The following NCKAP1 variants were observed in gnomAD, a reference collection of about 807,000 sequenced individuals.
The protein encoded by NCKAP1 is nck-associated protein 1.
A neutral mutation model predicts 151.2 loss-of-function variants in NCKAP1; 21 were observed. That is an observed-to-expected ratio of 0.14 (90% CI 0.10 to 0.20). The LOEUF (loss-of-function observed/expected upper bound fraction) is 0.20, where lower values mean the gene tolerates loss of function less well. NCKAP1 is among the 10% of genes least tolerant of loss of function. The probability of loss-of-function intolerance (pLI) is 1.00; values close to 1 mark genes in which losing one functional copy is unlikely to be tolerated. For synonymous variants in NCKAP1, 484 were observed against 451.8 expected, an observed-to-expected ratio of 1.07 and a Z score of -0.90; for missense variants, 933 against 1,352.1, an observed-to-expected ratio of 0.69 and a Z score of 4.86.
At chr2:182,965,794 A>G (rs1156702637) in intron 16 of NCKAP1, among the ~76,000 whole-genome samples, 2 of 152,206 alleles carry the variant, frequency 1.3e-5, no homozygotes, top group Non-Finnish European at 2.9e-5. Flanking sequence ...ATAGCTGAAA[A>G]TATCTAAACA....
chr2:183,020,219 T>G (rs1031506187), intron 2 of NCKAP1, among the ~76,000 whole-genome samples: 9 of 152,026 alleles, frequency 5.9e-5, no homozygotes, highest in African/African-American at 2.2e-4. Context: ...TCCCAGCACT[T>G]TGGGAGGCCA....
chr2:182,989,000 A>G (rs371369435), intron 9 of NCKAP1, 30 bp downstream of exon 9: 39 of 1,593,584 alleles, frequency 2.4e-5, no homozygotes, highest in Non-Finnish European at 3.1e-5. Context: ...CCCTTCTCCA[A>G]AAAAGACAAA....
intron 6 of NCKAP1, among the ~76,000 whole-genome samples, chr2:182,996,747 C>T (rs775210197): frequency 2.6e-5 from 4 of 152,140 alleles, no homozygotes; most frequent in Non-Finnish European, 5.9e-5. Context: ...TGAGCCACCA[C>T]GCCTGGCTGT....
intron 8 of NCKAP1, 100 bp downstream of exon 8, chr2:182,994,739 G>A (rs1405734858): frequency 1.1e-6 from 1 of 935,832 alleles, no homozygotes; most frequent in East Asian, 2.4e-5. Flanking sequence ...AGATGGGTTA[G>A]CACAATGCTA....
intron 24 of NCKAP1, among the ~76,000 whole-genome samples, chr2:182,937,242 ATACCC>A (rs1429857314): frequency 6.6e-6 from 1 of 151,980 alleles, no homozygotes; most frequent in African/African-American, 2.4e-5. Context: ...CTCAAAGACT[ATACCC>A]TACAACCTCA....
At chr2:182,934,025 A>G (rs1286012051) in intron 26 of NCKAP1, among the ~76,000 whole-genome samples, 9 of 152,150 alleles carry the variant, frequency 5.9e-5, no homozygotes, top group Non-Finnish European at 1.2e-4. Context: ...GAATACTAAA[A>G]ATCTTTTTAA....
chr2:182,933,883 T>C (rs1190057818), intron 26 of NCKAP1, among the ~76,000 whole-genome samples: 1 of 152,196 alleles, frequency 6.6e-6, no homozygotes, highest in Non-Finnish European at 1.5e-5. Context: ...ACTAGATGTA[T>C]AACCACTGGT....
At position 182,909,482 on chromosome 2, in the gene NCKAP1, C is replaced by T. The variant is rs1053930366; in HGVS notation, c.*16220G>A. 2 of 152,190 alleles carry T rather than the reference C, an allele frequency of 1.3e-5. No homozygotes were observed. Among genetic ancestry groups the T allele is most frequent in the African/African-American group, 4.8e-5 (2 of 41,424 alleles). 9.4% of individuals were successfully genotyped at this position (152,190 alleles called of 1,614,324 possible). ...TTTGTGGCTGGCTTATTTCACTCAG[C>T]ATAATTAATGTCTTCAAGGTTCATT... is the stretch of plus-strand genomic sequence containing the variant. On this transcript the variant is annotated 3_prime_UTR_variant, in exon 31 of 31. Transcript: ENST00000361354.
chr2:182,969,426 C>CA lies in NCKAP1; in HGVS notation c.1483-2066dup, dbSNP rs1216794894. Among the ~76,000 whole-genome samples, 5 of 150,594 alleles carry CA rather than the reference C, an allele frequency of 3.3e-5. No homozygotes were observed. The East Asian group carries it at 9.7e-4, about 29-fold the overall frequency. ...ATATACCAAAACCTATGAAATACAG[C>CA]AAAAACAGTAGTTAAGAGGAAAGTT... On this transcript the variant is annotated intron_variant, in intron 15 of 30. Coordinates refer to ENST00000361354, the MANE Select transcript of NCKAP1 (RefSeq NM_013436.5).
rs371264559 is a variant in NCKAP1 at position 183,023,878 on chromosome 2, G to A, written c.147C>T (p.Ile49=). 6.4e-5 allele frequency: 104 copies of A among 1,612,920 alleles called. No homozygotes were observed. The highest frequency in any genetic ancestry group is 2.5e-4 in the South Asian group (23 of 90,964). The part of the protein sequence containing the change: ...GDPKAKPSYL[I]DKNLESAVKF... ...TCACAGCAGATTCCAGGTTTTTGTC[G>A]ATAAGATAGGATGGTTTTGCCTTGG... The change falls in exon 2 of 31, where the codon ATC becomes ATT. Residue 49 remains isoleucine (I), a synonymous_variant. Transcript: ENST00000361354.
At chr2:182,941,132 AT>A (rs987147508) in intron 24 of NCKAP1, among the ~76,000 whole-genome samples, 33 of 149,216 alleles carry the variant, frequency 2.2e-4, no homozygotes, top group African/African-American at 3.9e-4. Flanking sequence ...TTGGGATTTC[AT>A]TTTTTTTTTT....
chr2:183,037,560 A>G (rs1244213919), intron 1 of NCKAP1, among the ~76,000 whole-genome samples: 1 of 152,164 alleles, frequency 6.6e-6, no homozygotes, highest in Non-Finnish European at 1.5e-5. Context: ...TGTGGGGTGT[A>G]ATCCCTGTTC....
intron 2 of NCKAP1, among the ~76,000 whole-genome samples, chr2:183,003,799 C>T (rs1001846744): frequency 1.3e-5 from 2 of 151,910 alleles, no homozygotes; most frequent in East Asian, 1.9e-4. Flanking sequence ...ACATAAAATA[C>T]GGTAACGGTT....
chr2:182,978,600 G>GT (rs1559090569), intron 14 of NCKAP1, among the ~76,000 whole-genome samples: 3 of 151,974 alleles, frequency 2.0e-5, no homozygotes, highest in Non-Finnish European at 4.4e-5. Flanking sequence ...ATGTTTTATT[G>GT]TTTTTGTTAC....
At chr2:183,004,225 T>G (rs925337694) in intron 2 of NCKAP1, among the ~76,000 whole-genome samples, 11 of 152,056 alleles carry the variant, frequency 7.2e-5, no homozygotes, top group Admixed American at 6.5e-4. Context: ...AAACACACAT[T>G]AAATGTGTGA....
chr2:182,984,810 G>C lies in NCKAP1; in HGVS notation c.1004+1361C>G, dbSNP rs141101068. ...CTGTGAGGAGTCTGTGATGGTTATT[G>C]GGAGAAAATGTCTATAAAGTACTTG... On this transcript the variant is annotated intron_variant, in intron 10 of 30. Coordinates refer to ENST00000361354, the MANE Select transcript of NCKAP1 (RefSeq NM_013436.5). 7.4e-4 allele frequency among the ~76,000 whole-genome samples: 112 copies of C among 152,244 alleles called. 1 individual carries two copies. In the East Asian group the frequency reaches 0.014, roughly 20 times the overall value.
At chr2:182,957,328 A>AT in intron 19 of NCKAP1, 129 bp downstream of exon 19, 2 of 1,072,736 alleles carry the variant, frequency 1.9e-6, no homozygotes, top group Non-Finnish European at 1.3e-6. Flanking sequence ...GCTCAGAAAT[A>AT]TTTTTTAAAA....
intron 25 of NCKAP1, 32 bp from the exon 26 acceptor site, chr2:182,934,864 TA>T (rs1412625465): frequency 1.9e-6 from 2 of 1,030,196 alleles, no homozygotes; most frequent in African/African-American, 1.6e-5. Context: ...AATACAGAAT[TA>T]TTTTTAAATG....
At position 182,909,617 on chromosome 2, in the gene NCKAP1, T is replaced by C. The variant is rs1186747217; in HGVS notation, c.*16085A>G. 1 of 152,224 alleles carries C rather than the reference T, an allele frequency of 6.6e-6. No homozygotes were observed. The highest frequency in any genetic ancestry group is 1.5e-5 in the Non-Finnish European group (1 of 68,046). The allele number at this position is 152,224 out of a possible 1,614,324, so 9.4% of individuals were successfully genotyped here. A position where few individuals can be genotyped will look rare whatever the true frequency, so the allele number is the denominator to read the frequency against. On this transcript the variant is annotated 3_prime_UTR_variant, in exon 31 of 31. Transcript: ENST00000361354. ...ATTCATTTGTTGATGGACGCTCGGA[T>C]TTACTGCCTTTTCTTGTATGTTGTT...
Sources: allele counts gnomAD v4.1 joint callset (sites outside exome capture counted in the v4.1 genomes callset), GRCh38; gene constraint gnomAD v4.1.1; transcripts MANE v1.5; gene names NCBI Gene and HGNC (gene_info 2026-07-23, HGNC 2026-07-21).